KCNRG: variants seen among roughly 807,000 people sequenced by gnomAD.
KCNRG encodes the protein potassium channel regulatory protein.
In KCNRG, 17 loss-of-function variants were observed where a neutral mutation model predicts 17.7. The ratio of observed to expected loss-of-function variants is 0.96; its 90% CI spans 0.66 to 1.44. KCNRG has a LOEUF of 1.44. Among genes scored for constraint, KCNRG ranks in the 40% most tolerant of loss-of-function variants. The pLI, the probability that KCNRG is intolerant of heterozygous loss-of-function variation, is 0.00. For synonymous variants in KCNRG, 97 were observed against 116.5 expected (o/e 0.83, Z 1.08); for missense variants, 311 against 321.1 (o/e 0.97, Z 0.24).
In KCNRG at chr13:50,018,357, C is replaced by T. The variant is rs1197214199; in HGVS notation, c.579-1857C>T. 4.8e-5 allele frequency: 8 copies of T among 166,442 alleles called. No homozygotes were observed. The Admixed American group carries it at 5.2e-4, about 11-fold the overall frequency. 10.3% of individuals were successfully genotyped at this position (166,442 alleles called of 1,614,324 possible). A position where few individuals can be genotyped will look rare whatever the true frequency, so the allele number is the denominator to read the frequency against. On this transcript the variant is annotated intron_variant, in intron 1 of 1. Transcript: ENST00000312942. ...TTCTGTAACATTTTTCTCACTTTGA[C>T]AAATGTTTTTAGACTGTACAGTCAA... is the stretch of plus-strand genomic sequence containing the variant.
rs768138543 is a variant in KCNRG at position 50,015,919 on chromosome 13, G to A, written c.426G>A (p.Val142=). The change falls in exon 1 of 2, where the codon GTG becomes GTA. Residue 142 remains valine (V), a synonymous_variant. Coordinates refer to ENST00000312942, the MANE Select transcript of KCNRG (RefSeq NM_173605.2). ...TIEMLTGRIT[V]FTEQPSAPTW... ...AGATGCTAACAGGGAGGATTACAGT[G>A]TTTACAGAACAACCTTCAGCGCCGA... The A allele has an allele frequency of 6.2e-7, 1 of 1,614,058 alleles. No homozygotes were observed. Among genetic ancestry groups the A allele is most frequent in the South Asian group, 1.1e-5 (1 of 91,080 alleles).
At chr13:50,017,023 C>T (rs1017701418) in intron 1 of KCNRG, 1 of 166,868 alleles carries the variant, frequency 6.0e-6, no homozygotes, top group African/African-American at 2.4e-5. Context: ...CCGAGTATGA[C>T]AATTCTTAAT....
rs780355191 is a variant in KCNRG, at chr13:50,020,657, G to A, written c.*203G>A. On this transcript the variant is annotated 3_prime_UTR_variant, in exon 2 of 2. Transcript: ENST00000312942. ...ACAACTCCATGTACTTGGTGCTTTGGTATATGTTCTACCTTCAATACATCT... is the reference window on the plus strand; with the variant it reads ...ACAACTCCATGTACTTGGTGCTTTGATATATGTTCTACCTTCAATACATCT... The A allele has an allele frequency of 5.5e-6, 3 of 549,754 alleles. No homozygotes were observed. The South Asian group carries it at 6.7e-5, about 12-fold the overall frequency. The allele number at this position is 549,754 out of a possible 1,614,324, so 34.1% of individuals were successfully genotyped here. A position where few individuals can be genotyped will look rare whatever the true frequency, so the allele number is the denominator to read the frequency against.
intron 1 of KCNRG, chr13:50,017,266 G>T (rs918142748): frequency 6.0e-6 from 1 of 166,912 alleles, no homozygotes. Context: ...GCTTCAAAAA[G>T]TCAGAAACCT....
Position 50,016,061 on chromosome 13 carries a change from A to G in KCNRG, c.568A>G (p.Thr190Ala). 6.2e-7 allele frequency: 1 copy of G among 1,612,176 alleles called. No homozygotes were observed. Among genetic ancestry groups the G allele is most frequent in the Non-Finnish European group, 8.5e-7 (1 of 1,178,330 alleles). The change falls in exon 1 of 2, where the codon ACT becomes GCT. Residue 190 changes from threonine (T) to alanine (A), a missense_variant. Coordinates refer to ENST00000312942, the MANE Select transcript of KCNRG (RefSeq NM_173605.2). ...CGSDSTTDNQ[T>A]GVRYVSIKPD... ...TTCTGACAGCACTACTGATAACCAA[A>G]CTGGAGTCAGGTATTTTGTACTTTG... is the stretch of plus-strand genomic sequence containing the variant.
In KCNRG at chr13:50,015,776, G is replaced by A. The variant is rs759974304; in HGVS notation, c.283G>A (p.Val95Ile). 6.2e-7 allele frequency: 1 copy of A among 1,614,068 alleles called. No individual in the cohort carries two copies. The highest frequency in any genetic ancestry group is 1.1e-5 in the South Asian group (1 of 91,086). Reference protein sequence around the residue: ...EALFYELRSLVDLLNPYLLQP... With the variant: ...EALFYELRSLIDLLNPYLLQP... The stretch of plus-strand genomic sequence containing the variant: ...TCTTTTCTATGAACTTCGTTCTCTA[G>A]TTGATCTCTTAAACCCATACCTGCT... Residue 95 changes from valine to isoleucine, a missense_variant, in exon 1 of 2, where the codon GTT (valine) becomes ATT (isoleucine). Val to Ile is a conservative substitution (Grantham distance 29). Coordinates refer to ENST00000312942, the MANE Select transcript of KCNRG (RefSeq NM_173605.2).
Position 50,015,720 on chromosome 13 carries a change from T to C in KCNRG, c.227T>C (p.Phe76Ser). Residue 76 changes from phenylalanine to serine, a missense_variant, in exon 1 of 2, where the codon TTT becomes TCT. Physicochemically the swap from Phe to Ser is radical, Grantham distance 155 (BLOSUM62 -2). Coordinates refer to ENST00000312942, the MANE Select transcript of KCNRG (RefSeq NM_173605.2). ...CACCAGCTTTTATTACCCACTGAAT[T>C]TTCAGACTATCTTAGGCTTCAGAGA... ...RTHQLLLPTEFSDYLRLQREA... is the reference protein window; with the variant it reads ...RTHQLLLPTESSDYLRLQREA... 6.2e-7 allele frequency: 1 copy of C among 1,614,078 alleles called. No homozygotes were observed. The highest frequency in any genetic ancestry group is 8.5e-7 in the Non-Finnish European group (1 of 1,179,954).
chr13:50,019,136 TTC>T (rs1452374399), intron 1 of KCNRG, among the ~76,000 whole-genome samples: 2 of 109,434 alleles, frequency 1.8e-5, no homozygotes, highest in Non-Finnish European at 3.7e-5. Context: ...GTGCATTTTT[TTC>T]TTTTTTTCTT....
intron 1 of KCNRG, 187 bp downstream of exon 1, chr13:50,016,258 A>T: frequency 1.8e-6 from 1 of 569,834 alleles, no homozygotes; most frequent in Admixed American, 3.3e-5. Context: ...TTTTAGAGTG[A>T]AAGGGGCTAT....
intron 1 of KCNRG, chr13:50,017,802 C>T (rs1200016470): frequency 1.8e-5 from 3 of 166,874 alleles, no homozygotes; most frequent in Non-Finnish European, 2.9e-5. Context: ...TTGCTCACTC[C>T]CTGGTCTGAA....
In KCNRG at chr13:50,020,458, T is replaced by A; in HGVS notation, c.*4T>A. ...GCAATCTCAGATAAAGAAATGAAGT[T>A]GTCTATCCTCTTTTAAAGAGAAATT... On this transcript the variant is annotated 3_prime_UTR_variant, in exon 2 of 2. Coordinates refer to ENST00000312942, the MANE Select transcript of KCNRG (RefSeq NM_173605.2). 2 of 1,610,932 alleles carry A rather than the reference T, an allele frequency of 1.2e-6. No homozygotes were observed. Among genetic ancestry groups the A allele is most frequent in the South Asian group, 2.2e-5 (2 of 90,708 alleles).
chr13:50,015,581 C>A lies in KCNRG; in HGVS notation c.88C>A (p.Arg30Ser). 6.2e-7 allele frequency: 1 copy of A among 1,614,048 alleles called. No homozygotes were observed. Among genetic ancestry groups the A allele is most frequent in the Non-Finnish European group, 8.5e-7 (1 of 1,179,948 alleles). The change falls in exon 1 of 2, where the codon CGT becomes AGT. Residue 30 changes from arginine to serine, a missense_variant. Transcript: ENST00000312942. ...TACGATAAAGCAGTTTCCTGCTTCT[C>A]GTTTGGCACGCATGTTAGATGGCAG... ...FSTIKQFPAS[R>S]LARMLDGRDQ...
At position 50,020,262 on chromosome 13, in the gene KCNRG, T is replaced by C. The variant is rs548189088; in HGVS notation, c.627T>C (p.Asn209=). Residue 209 remains asparagine (N), a synonymous_variant, in exon 2 of 2, where the codon AAT becomes AAC. Transcript: ENST00000312942. ...ACCGAAAATTGGCCAACGGAACAAA[T>C]GTCCTCGGCTTACTGATTGACACTT... ...PDNRKLANGT[N]VLGLLIDTLL... is the part of the protein sequence containing the mutation. 1 of 1,614,048 alleles carries C rather than the reference T, an allele frequency of 6.2e-7. No homozygotes were observed. The highest frequency in any genetic ancestry group is 8.5e-7 in the Non-Finnish European group (1 of 1,179,920).
chr13:50,016,337 A>T (rs1423881466), intron 1 of KCNRG: 1 of 376,792 alleles, frequency 2.7e-6, no homozygotes, highest in African/African-American at 2.1e-5. Flanking sequence ...CATTCAAATC[A>T]TGGGAGAAAA....
rs749963763 is a variant in KCNRG at position 50,020,468 on chromosome 13, C to G, written c.*14C>G. Reference sequence around the variant, plus strand: ...ATAAAGAAATGAAGTTGTCTATCCTCTTTTAAAGAGAAATTGCCATTTTTC... The same window carrying G: ...ATAAAGAAATGAAGTTGTCTATCCTGTTTTAAAGAGAAATTGCCATTTTTC... On this transcript the variant is annotated 3_prime_UTR_variant, in exon 2 of 2. Coordinates refer to ENST00000312942, the MANE Select transcript of KCNRG (RefSeq NM_173605.2). 4.4e-6 allele frequency: 7 copies of G among 1,606,090 alleles called. No homozygotes were observed. Among genetic ancestry groups the G allele is most frequent in the East Asian group, 2.2e-5 (1 of 44,794 alleles).
At position 50,020,461 on chromosome 13, in the gene KCNRG, C is replaced by G. The variant is rs767182579; in HGVS notation, c.*7C>G. The G allele has an allele frequency of 6.2e-7, 1 of 1,610,498 alleles. No individual in the cohort carries two copies. Among genetic ancestry groups the G allele is most frequent in the African/African-American group, 1.3e-5 (1 of 74,590 alleles). ...ATCTCAGATAAAGAAATGAAGTTGT[C>G]TATCCTCTTTTAAAGAGAAATTGCC... is the stretch of plus-strand genomic sequence containing the variant. On this transcript the variant is annotated 3_prime_UTR_variant, in exon 2 of 2. Coordinates refer to ENST00000312942, the MANE Select transcript of KCNRG (RefSeq NM_173605.2).
Position 50,015,926 on chromosome 13 carries a change from G to A in KCNRG, c.433G>A (p.Glu145Lys). 2 of 1,614,094 alleles carry A rather than the reference G, an allele frequency of 1.2e-6. No individual in the cohort carries two copies. Among genetic ancestry groups the A allele is most frequent in the Non-Finnish European group, 1.7e-6 (2 of 1,179,982 alleles). ...AACAGGGAGGATTACAGTGTTTACAGAACAACCTTCAGCGCCGACCTGGAA... is the reference window on the plus strand; with the variant it reads ...AACAGGGAGGATTACAGTGTTTACAAAACAACCTTCAGCGCCGACCTGGAA... ...MLTGRITVFT[E>K]QPSAPTWNGN... The change falls in exon 1 of 2, where the codon GAA (glutamate) becomes AAA (lysine). Residue 145 changes from glutamate (E) to lysine (K), a missense_variant. By Grantham distance (56) the Glu-to-Lys change is moderately conservative (BLOSUM62 1). Coordinates refer to ENST00000312942, the MANE Select transcript of KCNRG (RefSeq NM_173605.2).
At chr13:50,019,138 CTTT>C (rs1287218733) in intron 1 of KCNRG, among the ~76,000 whole-genome samples, 1 of 102,840 alleles carries the variant, frequency 9.7e-6, no homozygotes, top group Non-Finnish European at 2.0e-5. Context: ...GCATTTTTTT[CTTT>C]TTTTCTTTTG....
intron 1 of KCNRG, chr13:50,016,579 G>C (rs1201420405): frequency 1.2e-5 from 2 of 167,704 alleles, no homozygotes; most frequent in Non-Finnish European, 2.9e-5. Flanking sequence ...TGGCAAATTT[G>C]GTATCCTGTT....
Sources: allele counts gnomAD v4.1 joint callset (sites outside exome capture counted in the v4.1 genomes callset), GRCh38; gene constraint gnomAD v4.1.1; transcripts MANE v1.5; gene names NCBI Gene and HGNC (gene_info 2026-07-23, HGNC 2026-07-21).